The following DCTN5 variants were observed in gnomAD, a reference collection of about 807,000 sequenced individuals.
DCTN5 encodes the protein dynactin 4.
A neutral mutation model predicts 23.5 loss-of-function variants in DCTN5; 14 were observed. The ratio of observed to expected loss-of-function variants is 0.60; its 90% CI spans 0.39 to 0.93. The LOEUF is 0.93. Ranked by LOEUF, DCTN5 falls within the 40% of genes least tolerant of loss-of-function variation. DCTN5 has a pLI of 0.00. For synonymous variants in DCTN5, 67 were observed against 79.6 expected (o/e 0.84, Z 0.84); for missense variants, 156 against 225.9 (o/e 0.69, Z 1.98).
rs1967975832 is a variant in DCTN5, at chr16:23,669,860, G to C, written c.*2716G>C. On this transcript the variant is annotated 3_prime_UTR_variant, in exon 6 of 6. Coordinates refer to ENST00000300087, the MANE Select transcript of DCTN5 (RefSeq NM_032486.4). ...TTCAATAAAGAACCATTTGGAGATGGTCTTCTGTCTGGAACTGCTTCCTTT... is the reference window on the plus strand; with the variant it reads ...TTCAATAAAGAACCATTTGGAGATGCTCTTCTGTCTGGAACTGCTTCCTTT... 1 of 152,224 alleles carries C rather than the reference G, an allele frequency of 6.6e-6. No individual in the cohort carries two copies. Among genetic ancestry groups the C allele is most frequent in the South Asian group, 2.1e-4 (1 of 4,828 alleles). The allele number at this position is 152,224 out of a possible 1,614,324, so 9.4% of individuals were successfully genotyped here. A position where few individuals can be genotyped will look rare whatever the true frequency, so the allele number is the denominator to read the frequency against.
rs564218059 is a variant in DCTN5 at position 23,667,274 on chromosome 16, T to A, written c.*130T>A. 5.0e-6 allele frequency: 6 copies of A among 1,204,532 alleles called. No homozygotes were observed. Among genetic ancestry groups the A allele is most frequent in the African/African-American group, 3.1e-5 (2 of 65,492 alleles). The allele number at this position is 1,204,532 out of a possible 1,614,324, so 74.6% of individuals were successfully genotyped here. A position where few individuals can be genotyped will look rare whatever the true frequency, so the allele number is the denominator to read the frequency against. On this transcript the variant is annotated 3_prime_UTR_variant, in exon 6 of 6. Transcript: ENST00000300087. ...CACCCTCCTCCTTTTAAAAAATTTCTTTAGAATTTCTCAATCTTCAAGGCT... is the reference window on the plus strand; with the variant it reads ...CACCCTCCTCCTTTTAAAAAATTTCATTAGAATTTCTCAATCTTCAAGGCT...
chr16:23,643,195 T>G (rs531146083), intron 2 of DCTN5, among the ~76,000 whole-genome samples, 172 bp downstream of exon 2: 5,204 of 152,152 alleles, frequency 0.034, 110 homozygotes, highest in Middle Eastern at 0.095. Context: ...TGTTTTTTTT[T>G]TGTTTCGGTT....
In DCTN5 at chr16:23,661,173, T is replaced by A. The variant is rs61752330; in HGVS notation, c.240T>A (p.Val80=). The part of the protein sequence containing the change: ...RPPFKKFSKG[V]AFFPLHIGDH... ...TCATCTTCTTTTCCTCTTCTAGTGT[T>A]GCATTCTTTCCTTTACATATTGGAG... Residue 80 remains valine (V), a synonymous_variant, in exon 4 of 6, where the codon GTT becomes GTA. Transcript: ENST00000300087. 1.6e-4 allele frequency: 256 copies of A among 1,609,080 alleles called. No individual in the cohort carries two copies. The highest frequency in any genetic ancestry group is 3.3e-4 in the Middle Eastern group (2 of 6,054).
At position 23,667,042 on chromosome 16, in the gene DCTN5, C is replaced by T; in HGVS notation, c.452-5C>T. 3.1e-6 allele frequency: 5 copies of T among 1,613,716 alleles called. No homozygotes were observed. The highest frequency in any genetic ancestry group is 4.2e-6 in the Non-Finnish European group (5 of 1,179,968). ...CTCCTTAGAGCTGGGTCTTTCTTTCCCCAGGACTCTTCTCAGGGGAGCTCC... is the reference window on the plus strand; with the variant it reads ...CTCCTTAGAGCTGGGTCTTTCTTTCTCCAGGACTCTTCTCAGGGGAGCTCC... On this transcript the variant is annotated splice_polypyrimidine_tract_variant and splice_region_variant and intron_variant, in intron 5 of 5. Transcript: ENST00000300087.
rs773852117 is a variant in DCTN5 at position 23,676,586 on chromosome 16, G to GATT, written c.*9443_*9444insTTA. ...ACAACAACAAAAAGGAATTAAGGAG[G>GATT]AAGCCACCTGGCTTCCTAAGATAGA... is the stretch of plus-strand genomic sequence containing the variant. On this transcript the variant is annotated 3_prime_UTR_variant, in exon 6 of 6. Coordinates refer to ENST00000300087, the MANE Select transcript of DCTN5 (RefSeq NM_032486.4). 7.9e-3 allele frequency: 1,197 copies of GATT among 152,236 alleles called. 49 individuals carry two copies. The highest frequency in any genetic ancestry group is 0.06 in the Admixed American group (913 of 15,278). The allele number at this position is 152,236 out of a possible 1,614,324, so 9.4% of individuals were successfully genotyped here.
intron 2 of DCTN5, among the ~76,000 whole-genome samples, chr16:23,658,245 A>G (rs1485474704): frequency 6.6e-6 from 1 of 152,232 alleles, no homozygotes; most frequent in East Asian, 1.9e-4. Flanking sequence ...AGGTGTTCTC[A>G]CTAAGTGCTC....
At chr16:23,644,156 AT>A (rs1403682141) in intron 2 of DCTN5, among the ~76,000 whole-genome samples, 1 of 151,776 alleles carries the variant, frequency 6.6e-6, no homozygotes, top group African/African-American at 2.4e-5. Context: ...GAGACAGAGT[AT>A]TGCTCTGTCA....
intron 2 of DCTN5, among the ~76,000 whole-genome samples, chr16:23,653,533 C>A (rs529054399): frequency 6.6e-6 from 1 of 152,214 alleles, no homozygotes; most frequent in Admixed American, 6.5e-5. Flanking sequence ...CTTCCTTATA[C>A]CATATAGAAA....
chr16:23,651,170 T>C (rs998654831), intron 2 of DCTN5: 3 of 1,114,666 alleles, frequency 2.7e-6, no homozygotes, highest in Non-Finnish European at 3.3e-6. Flanking sequence ...AGTATAGTCC[T>C]TCAACCTCCA....
intron 4 of DCTN5, among the ~76,000 whole-genome samples, chr16:23,661,494 A>G (rs111443196): frequency 0.065 from 9,617 of 148,610 alleles, 632 homozygotes; most frequent in African/African-American, 0.16. Flanking sequence ...TGAAGTGGGC[A>G]GATCACTTGA....
In DCTN5 at chr16:23,675,545, T is replaced by C. The variant is rs1968073383; in HGVS notation, c.*8401T>C. 6.6e-6 allele frequency: 1 copy of C among 151,690 alleles called. No homozygotes were observed. Among genetic ancestry groups the C allele is most frequent in the Non-Finnish European group, 1.5e-5 (1 of 67,970 alleles). The allele number at this position is 151,690 out of a possible 1,614,324, so 9.4% of individuals were successfully genotyped here. A position where few individuals can be genotyped will look rare whatever the true frequency, so the allele number is the denominator to read the frequency against. On this transcript the variant is annotated 3_prime_UTR_variant, in exon 6 of 6. Transcript: ENST00000300087. ...TTATCTACAAAAATGCTTTTGTGCCTCTTACATACAACCCTTCCAGAGGAA... is the reference window on the plus strand; with the variant it reads ...TTATCTACAAAAATGCTTTTGTGCCCCTTACATACAACCCTTCCAGAGGAA...
At chr16:23,642,011 A>C (rs1402456240) in intron 1 of DCTN5, among the ~76,000 whole-genome samples, 1 of 151,990 alleles carries the variant, frequency 6.6e-6, no homozygotes, top group East Asian at 1.9e-4. Context: ...TGCTCACTGC[A>C]ACCTCCGCCT....
rs1389667326 is a variant in DCTN5 at position 23,672,339 on chromosome 16, A to C, written c.*5195A>C. ...ATCATCTCCTGGATAGAATCCTAGG[A>C]AATGGGCACTATAATGGGCACTTTA... On this transcript the variant is annotated 3_prime_UTR_variant, in exon 6 of 6. Transcript: ENST00000300087. 2.6e-5 allele frequency: 4 copies of C among 152,238 alleles called. No homozygotes were observed. The highest frequency in any genetic ancestry group is 1.5e-5 in the Non-Finnish European group (1 of 68,042). 9.4% of individuals were successfully genotyped at this position (152,238 alleles called of 1,614,324 possible). A position where few individuals can be genotyped will look rare whatever the true frequency, so the allele number is the denominator to read the frequency against.
Position 23,671,040 on chromosome 16 carries a change from TC to T in DCTN5, c.*3897del, listed in dbSNP as rs1967997462. 1.3e-5 allele frequency: 2 copies of T among 151,702 alleles called. No homozygotes were observed. The highest frequency in any genetic ancestry group is 2.4e-5 in the African/African-American group (1 of 41,250). 9.4% of individuals were successfully genotyped at this position (151,702 alleles called of 1,614,324 possible). A position where few individuals can be genotyped will look rare whatever the true frequency, so the allele number is the denominator to read the frequency against. On this transcript the variant is annotated 3_prime_UTR_variant, in exon 6 of 6. Coordinates refer to ENST00000300087, the MANE Select transcript of DCTN5 (RefSeq NM_032486.4). ...CTTAGTGAGTGAGAAAGCCAAAGAG[TC>T]AAAATACAGAGAGGGTCTGAGGGGC...
chr16:23,655,316 T>G (rs567641821), intron 2 of DCTN5, among the ~76,000 whole-genome samples: 5 of 152,308 alleles, frequency 3.3e-5, no homozygotes, highest in Non-Finnish European at 5.9e-5. Context: ...ACTCACCTTG[T>G]AAACTCAAGT....
chr16:23,650,782 C>T (rs987367800), intron 2 of DCTN5: 1 of 1,533,896 alleles, frequency 6.5e-7, no homozygotes, highest in Non-Finnish European at 8.7e-7. Flanking sequence ...TTTTCCTGAG[C>T]CCATATATCA....
At chr16:23,642,271 A>G (rs1397072894) in intron 1 of DCTN5, among the ~76,000 whole-genome samples, 2 of 152,080 alleles carry the variant, frequency 1.3e-5, no homozygotes, top group African/African-American at 4.8e-5. Context: ...TATGTTTGTA[A>G]AATCTTGGAA....
rs113915766 is a variant in DCTN5 at position 23,662,051 on chromosome 16, T to TAA, written c.348+783_348+784dup. ...GGCAACAAAGCAAGACCCTTTCTCT[T>TAA]AAAAAAAAAAAAAACCCAAAAGTTA... is the stretch of plus-strand genomic sequence containing the variant. On this transcript the variant is annotated intron_variant, in intron 4 of 5. Coordinates refer to ENST00000300087, the MANE Select transcript of DCTN5 (RefSeq NM_032486.4). Among the ~76,000 whole-genome samples, 1,286 of 137,950 alleles carry TAA rather than the reference T, an allele frequency of 9.3e-3. 16 individuals are homozygous for TAA. The highest frequency in any genetic ancestry group is 0.032 in the African/African-American group (1,212 of 38,126). 90.5% of individuals were successfully genotyped at this position (137,950 alleles called of 152,430 possible).
chr16:23,654,815 T>C (rs1967670106), intron 2 of DCTN5, among the ~76,000 whole-genome samples: 1 of 152,190 alleles, frequency 6.6e-6, no homozygotes, highest in South Asian at 2.1e-4. Flanking sequence ...TGAAATCTGC[T>C]TTTTTAGTGC....
Sources: gnomAD v4.1 joint callset for allele counts (sites outside exome capture counted in the v4.1 genomes callset) on GRCh38, gnomAD v4.1.1 for gene constraint, MANE v1.5 for transcripts, NCBI Gene and HGNC (gene_info 2026-07-23, HGNC 2026-07-21) for gene names.